The following SH3RF1 variants were observed in gnomAD, a reference collection of about 807,000 sequenced individuals.
The protein encoded by SH3RF1 is SH3 domain containing ring finger 1.
SH3RF1 carries 32 observed loss-of-function variants against 74.0 expected under a neutral mutation model. The observed-to-expected ratio is 0.43, with a 90% confidence interval of 0.33 to 0.58. The LOEUF (loss-of-function observed/expected upper bound fraction) is 0.58, where lower values mean the gene tolerates loss of function less well. Ranked by LOEUF, SH3RF1 falls within the 20% of genes least tolerant of loss-of-function variation. The pLI, the probability that SH3RF1 is intolerant of heterozygous loss-of-function variation, is 0.05. For synonymous variants in SH3RF1, 396 were observed against 439.6 expected (o/e 0.90, Z 1.24); for missense variants, 954 against 1,130.9 (o/e 0.84, Z 2.24).
At chr4:169,224,819 G>A (rs1370875416) in intron 2 of SH3RF1, among the ~76,000 whole-genome samples, 1 of 152,186 alleles carries the variant, frequency 6.6e-6, no homozygotes, top group African/African-American at 2.4e-5. Context: ...GCCTAATGTG[G>A]CTTCACCTAG....
intron 2 of SH3RF1, among the ~76,000 whole-genome samples, chr4:169,168,847 T>C (rs1734284443): frequency 6.6e-6 from 1 of 152,190 alleles, no homozygotes; most frequent in African/African-American, 2.4e-5. Context: ...CCTTTGTTTC[T>C]TAGGGGTGGA....
At chr4:169,193,795 T>C (rs1364735302) in intron 2 of SH3RF1, among the ~76,000 whole-genome samples, 1 of 152,224 alleles carries the variant, frequency 6.6e-6, no homozygotes, top group Non-Finnish European at 1.5e-5. Flanking sequence ...CACTCAGTGA[T>C]GAAAACAGAT....
intron 11 of SH3RF1, among the ~76,000 whole-genome samples, chr4:169,103,091 T>A (rs1166987504): frequency 1.4e-5 from 2 of 138,664 alleles, no homozygotes; most frequent in Admixed American, 1.4e-4. Context: ...TGGCTATTTT[T>A]TTTTTTTTTT....
chr4:169,203,455 G>A (rs1734943454), intron 2 of SH3RF1, among the ~76,000 whole-genome samples: 8 of 152,004 alleles, frequency 5.3e-5, no homozygotes, highest in Admixed American at 5.2e-4. Flanking sequence ...GAAGGCTGAA[G>A]TGGGAGGATG....
chr4:169,155,655 A>G, intron 3 of SH3RF1, 80 bp from the exon 4 acceptor site: 2 of 1,004,458 alleles, frequency 2.0e-6, no homozygotes, highest in South Asian at 2.7e-5. Context: ...CCTTTTCAAT[A>G]AAGAGACTCA....
chr4:169,219,833 A>T (rs1324580374), intron 2 of SH3RF1, among the ~76,000 whole-genome samples: 1 of 152,172 alleles, frequency 6.6e-6, no homozygotes, highest in East Asian at 1.9e-4. Flanking sequence ...AATTATTTAC[A>T]TGTCGCCCTG....
At chr4:169,205,972 C>G (rs1197779188) in intron 2 of SH3RF1, among the ~76,000 whole-genome samples, 1 of 152,186 alleles carries the variant, frequency 6.6e-6, no homozygotes, top group Non-Finnish European at 1.5e-5. Context: ...CTCTCCTTCA[C>G]TGCTAACATC....
At chr4:169,159,756 C>T (rs191803913) in intron 2 of SH3RF1, among the ~76,000 whole-genome samples, 1 of 152,330 alleles carries the variant, frequency 6.6e-6, no homozygotes, top group Admixed American at 6.5e-5. Context: ...ATTTGTCTCT[C>T]CACAGCTGGA....
intron 11 of SH3RF1, among the ~76,000 whole-genome samples, chr4:169,100,925 C>T (rs962790248): frequency 1.6e-4 from 24 of 152,320 alleles, no homozygotes; most frequent in African/African-American, 5.8e-4. Flanking sequence ...TCCTTTGACG[C>T]TATCTCTCCC....
rs768415507 is a variant in SH3RF1, at chr4:169,130,169, G to A, written c.1069-13C>T. The A allele has an allele frequency of 2.6e-6, 4 of 1,524,232 alleles. No individual in the cohort carries two copies. Among genetic ancestry groups the A allele is most frequent in the African/African-American group, 1.4e-5 (1 of 70,234 alleles). The allele number at this position is 1,524,232 out of a possible 1,614,324, so 94.4% of individuals were successfully genotyped here. A position where few individuals can be genotyped will look rare whatever the true frequency, so the allele number is the denominator to read the frequency against. On this transcript the variant is annotated splice_polypyrimidine_tract_variant and intron_variant, in intron 5 of 11. Coordinates refer to ENST00000284637, the MANE Select transcript of SH3RF1 (RefSeq NM_020870.4). ...TACTTATATGAACCTGCCGAGAAAA[G>A]AAAAGTTATTAAAAAGAAGACTATG...
intron 2 of SH3RF1, among the ~76,000 whole-genome samples, chr4:169,186,291 T>C (rs150289101): frequency 1.3e-3 from 198 of 152,144 alleles, no homozygotes; most frequent in African/African-American, 4.6e-3. Flanking sequence ...ACAAACCCCA[T>C]GACACATGTT....
At chr4:169,215,164 A>G (rs973147749) in intron 2 of SH3RF1, among the ~76,000 whole-genome samples, 1 of 152,178 alleles carries the variant, frequency 6.6e-6, no homozygotes, top group Non-Finnish European at 1.5e-5. Flanking sequence ...AGTTTTTATC[A>G]AGAATGGGTG....
At chr4:169,265,477 A>G (rs1731337406) in intron 2 of SH3RF1, among the ~76,000 whole-genome samples, 1 of 151,490 alleles carries the variant, frequency 6.6e-6, no homozygotes, top group Non-Finnish European at 1.5e-5. Flanking sequence ...GAGAACTTAA[A>G]AGAATTTTTT....
intron 4 of SH3RF1, among the ~76,000 whole-genome samples, chr4:169,148,454 A>C (rs1733927222): frequency 6.6e-6 from 1 of 152,260 alleles, no homozygotes; most frequent in Admixed American, 6.5e-5. Flanking sequence ...TAATATCATT[A>C]AAGCATAAGG....
chr4:169,201,788 G>A (rs936267631), intron 2 of SH3RF1: 2 of 152,078 alleles, frequency 1.3e-5, no homozygotes, highest in African/African-American at 4.8e-5. Flanking sequence ...TTTTTCCAAT[G>A]TAAGTCAAAG....
chr4:169,162,144 G>A (rs1734159574), intron 2 of SH3RF1, among the ~76,000 whole-genome samples: 1 of 152,070 alleles, frequency 6.6e-6, no homozygotes, highest in Non-Finnish European at 1.5e-5. Flanking sequence ...GCAATAGAGT[G>A]AGACTCCGTC....
intron 6 of SH3RF1, among the ~76,000 whole-genome samples, chr4:169,128,903 C>G (rs780398935): frequency 2.0e-5 from 3 of 152,124 alleles, no homozygotes; most frequent in East Asian, 3.8e-4. Context: ...AGCCCTCAAC[C>G]GAGCCCAAAA....
intron 2 of SH3RF1, among the ~76,000 whole-genome samples, chr4:169,219,324 G>A (rs902151536): frequency 4.6e-5 from 7 of 152,100 alleles, no homozygotes; most frequent in African/African-American, 1.7e-4. Context: ...AATACTTGAT[G>A]TATTCAAGAA....
At chr4:169,097,888 G>A (rs6553418) in intron 11 of SH3RF1, among the ~76,000 whole-genome samples, 28,720 of 152,148 alleles carry the variant, frequency 0.19, 2,941 homozygotes, top group African/African-American at 0.27. Context: ...TGGCTGCCAT[G>A]TTGTGAGGAC....
Sources: gnomAD v4.1 joint callset for allele counts (sites outside exome capture counted in the v4.1 genomes callset) on GRCh38, gnomAD v4.1.1 for gene constraint, MANE v1.5 for transcripts, NCBI Gene and HGNC (gene_info 2026-07-23, HGNC 2026-07-21) for gene names.